The following SPATA6L variants were observed in gnomAD, a reference collection of about 807,000 sequenced individuals.
SPATA6L encodes the protein spermatogenesis associated 6-like protein.
In SPATA6L, 68 loss-of-function variants were observed where a neutral mutation model predicts 49.2. The observed-to-expected ratio is 1.38, with a 90% CI of 1.14 to 1.69. The LOEUF (loss-of-function observed/expected upper bound fraction) is 1.69, where lower values mean the gene tolerates loss of function less well. SPATA6L is among the 40% of genes most tolerant of loss of function. SPATA6L has a pLI of 0.00. For missense variants in SPATA6L, 668 were observed against 464.3 expected (o/e 1.44, Z -4.03); for synonymous variants, 198 against 165.7 (o/e 1.19, Z -1.50).
At position 4,662,414 on chromosome 9, in the gene SPATA6L, G is replaced by A; in HGVS notation, c.40-378C>T. 1 of 1,537,254 alleles carries A rather than the reference G, an allele frequency of 6.5e-7. No homozygotes were observed. The highest frequency in any genetic ancestry group is 1.2e-5 in the South Asian group (1 of 84,004). On this transcript the variant is annotated intron_variant, in intron 1 of 11. Transcript: ENST00000682582. This position sits in a 1 kb window ranked among gnomAD's most constrained non-coding sequence, Gnocchi z 4.9. ...GGAGGAGCATGGAGGGACGGCCGCT[G>A]GGCGTCTCCGCTTCGAGCAGCAGCA...
At chr9:4,629,769 G>GTGTATATATA (rs1311805859) in intron 4 of SPATA6L, among the ~76,000 whole-genome samples, 111 of 101,906 alleles carry the variant, frequency 1.1e-3, no homozygotes, top group Middle Eastern at 5.5e-3. Context: ...GTGTGTGTGT[G>GTGTATATATA]TATATATATA....
chr9:4,602,012 T>A (rs1421418326), intron 11 of SPATA6L, among the ~76,000 whole-genome samples: 2 of 152,170 alleles, frequency 1.3e-5, no homozygotes, highest in Non-Finnish European at 2.9e-5. Context: ...CAGGAATCCA[T>A]GACTCAAGAA....
At chr9:4,620,520 T>C (rs1028750884) in intron 7 of SPATA6L, among the ~76,000 whole-genome samples, 2 of 152,228 alleles carry the variant, frequency 1.3e-5, no homozygotes, top group African/African-American at 4.8e-5. Context: ...GTGATTCAAC[T>C]GCACATTCAG....
intron 9 of SPATA6L, among the ~76,000 whole-genome samples, chr9:4,610,018 C>G (rs933244052): frequency 1.3e-5 from 2 of 151,592 alleles, no homozygotes; most frequent in South Asian, 2.1e-4. Flanking sequence ...AAACAGAGAG[C>G]CAAATCATGA....
rs1389695160 is a variant in SPATA6L, at chr9:4,661,915, C to A, written c.161G>T (p.Ser54Ile). 4 of 1,613,778 alleles carry A rather than the reference C, an allele frequency of 2.5e-6. No homozygotes were observed. The East Asian group carries it at 6.7e-5, about 27-fold the overall frequency. Residue 54 changes from serine (S) to isoleucine (I), a missense_variant, in exon 2 of 12, where the codon AGC becomes ATC. Transcript: ENST00000682582. Reference sequence around the variant, plus strand: ...CAAGATCACCTTTTCAAATCTCATGCTCTCCTGAATCATAATGGGGAACGC... The same window carrying A: ...CAAGATCACCTTTTCAAATCTCATGATCTCCTGAATCATAATGGGGAACGC... ...PSAFPIMIQE[S>I]MRFEKVFESA...
intron 7 of SPATA6L, among the ~76,000 whole-genome samples, chr9:4,619,677 T>G (rs564637238): frequency 3.3e-5 from 5 of 152,320 alleles, no homozygotes; most frequent in Admixed American, 6.5e-5. Context: ...AGCTCTTGAA[T>G]ATATTTGTCC....
rs1840002521 is a variant in SPATA6L, at chr9:4,662,334, G to C, written c.40-298C>G. 1.4e-6 allele frequency: 2 copies of C among 1,463,600 alleles called. No homozygotes were observed. The highest frequency in any genetic ancestry group is 1.8e-6 in the Non-Finnish European group (2 of 1,114,552). The allele number at this position is 1,463,600 out of a possible 1,614,324, so 90.7% of individuals were successfully genotyped here. A position where few individuals can be genotyped will look rare whatever the true frequency, so the allele number is the denominator to read the frequency against. ...GAGGCTGCAGGGCCGGGAAGCCTCT[G>C]TTTGGTCCGGCCAGGTCCCGGGATC... On this transcript the variant is annotated intron_variant, in intron 1 of 11. Coordinates refer to ENST00000682582, the MANE Select transcript of SPATA6L (RefSeq NM_001353486.2). This position sits in a 1 kb window ranked among gnomAD's most constrained non-coding sequence, Gnocchi z 4.9.
At chr9:4,593,322 T>G (rs966210171), downstream of SPATA6L, among the ~76,000 whole-genome samples, 1 of 152,170 alleles carries the variant, frequency 6.6e-6, no homozygotes, top group Non-Finnish European at 1.5e-5. Flanking sequence ...AAAATTAATT[T>G]TAAATATGTC....
At chr9:4,602,004 G>A (rs1823421247) in intron 11 of SPATA6L, among the ~76,000 whole-genome samples, 1 of 152,146 alleles carries the variant, frequency 6.6e-6, no homozygotes, top group Admixed American at 6.5e-5. Context: ...AGCCTCTCCA[G>A]GAATCCATGA....
intron 1 of SPATA6L, among the ~76,000 whole-genome samples, chr9:4,665,650 C>G (rs1054187477): frequency 6.6e-6 from 1 of 152,160 alleles, no homozygotes; most frequent in Non-Finnish European, 1.5e-5. Context: ...AGTGACAGAC[C>G]CCCAAGTAGA....
downstream of SPATA6L, among the ~76,000 whole-genome samples, chr9:4,597,897 G>A (rs574889475): frequency 1.3e-5 from 2 of 152,138 alleles, no homozygotes; most frequent in African/African-American, 4.8e-5. Context: ...AGCCCAGCGG[G>A]CTCCTTTGAT....
intron 2 of SPATA6L, among the ~76,000 whole-genome samples, chr9:4,659,757 C>T (rs1025520400): frequency 6.6e-6 from 1 of 152,202 alleles, no homozygotes; most frequent in African/African-American, 2.4e-5. Context: ...CTGGAAGCAT[C>T]ACGCTACCTG....
At chr9:4,649,598 C>T (rs1836340305) in intron 3 of SPATA6L, among the ~76,000 whole-genome samples, 1 of 152,196 alleles carries the variant, frequency 6.6e-6, no homozygotes, top group Non-Finnish European at 1.5e-5. Flanking sequence ...AGTCAGTTCT[C>T]AGGGACTGTC....
intron 2 of SPATA6L, among the ~76,000 whole-genome samples, chr9:4,657,265 A>G (rs1322266883): frequency 6.6e-6 from 1 of 152,214 alleles, no homozygotes; most frequent in Non-Finnish European, 1.5e-5. Context: ...ACTTGGATTT[A>G]TCAAGCAAAT....
chr9:4,596,088 G>A (rs116045377), downstream of SPATA6L, among the ~76,000 whole-genome samples: 626 of 152,286 alleles, frequency 4.1e-3, 2 homozygotes, highest in African/African-American at 0.014. Context: ...AAAGACATCC[G>A]AGTTTGCAAC....
Position 4,662,816 on chromosome 9 carries a change from G to A in SPATA6L, c.40-780C>T. On this transcript the variant is annotated intron_variant, in intron 1 of 11. Transcript: ENST00000682582. The surrounding 1 kb of genome is among the most constrained non-coding windows in gnomAD (Gnocchi z 4.9). ...TCTCGGGACACGGCATCCCCTGGCT[G>A]CTGGGCACCCTCTACTGCCTGTGCA... The A allele has an allele frequency of 1.9e-6, 3 of 1,605,124 alleles. No individual in the cohort carries two copies. The highest frequency in any genetic ancestry group is 2.5e-6 in the Non-Finnish European group (3 of 1,179,940).
chr9:4,605,895 G>C (rs917008768), intron 9 of SPATA6L, among the ~76,000 whole-genome samples: 1 of 152,342 alleles, frequency 6.6e-6, no homozygotes, highest in African/African-American at 2.4e-5. Flanking sequence ...TTCCATCTGA[G>C]GTAGCGGGTT....
chr9:4,619,125 G>A (rs978294809), intron 7 of SPATA6L, among the ~76,000 whole-genome samples: 3 of 142,010 alleles, frequency 2.1e-5, no homozygotes, highest in African/African-American at 7.8e-5. Flanking sequence ...TTTTGTTTTT[G>A]TCTTTTTGAG....
chr9:4,597,368 ACG>A (rs1491567514), downstream of SPATA6L, among the ~76,000 whole-genome samples: 5 of 135,862 alleles, frequency 3.7e-5, no homozygotes, highest in African/African-American at 1.4e-4. Flanking sequence ...ACACACACAC[ACG>A]GTGGGGCGTG....
Sources: allele counts gnomAD v4.1 joint callset (sites outside exome capture counted in the v4.1 genomes callset), GRCh38; gene constraint gnomAD v4.1.1; non-coding constraint Gnocchi (gnomAD v3.1); transcripts MANE v1.5; gene names NCBI Gene and HGNC (gene_info 2026-07-23, HGNC 2026-07-21).